Variants in TMEM178B observed in about 807,000 individuals in gnomAD.
The protein encoded by TMEM178B is transmembrane protein 178B.
A neutral mutation model predicts 31.0 loss-of-function variants in TMEM178B; 5 were observed. That is an observed-to-expected ratio of 0.16 (90% CI 0.08 to 0.34). The LOEUF (loss-of-function observed/expected upper bound fraction) is 0.34. Among genes scored for constraint, TMEM178B ranks in the 10% least tolerant of loss-of-function variants. TMEM178B has a pLI of 1.00. For synonymous variants in TMEM178B, 164 were observed against 164.0 expected, an observed-to-expected ratio of 1.00 and a Z score of 0.00; for missense variants, 275 against 400.3, an observed-to-expected ratio of 0.69 and a Z score of 2.67.
intron 1 of TMEM178B, among the ~76,000 whole-genome samples, chr7:141,138,919 G>C (rs2129178816): frequency 6.6e-6 from 1 of 152,000 alleles, no homozygotes; most frequent in East Asian, 1.9e-4. Flanking sequence ...GGGAGGCAGA[G>C]CTTGCAGTGA....
chr7:141,389,839 G>A (rs1235171068), intron 2 of TMEM178B, among the ~76,000 whole-genome samples: 1 of 152,194 alleles, frequency 6.6e-6, no homozygotes, highest in Non-Finnish European at 1.5e-5. Flanking sequence ...TGTTCCTAGT[G>A]ACCCCGGTCT....
chr7:141,188,350 C>G (rs1193469189), intron 1 of TMEM178B, among the ~76,000 whole-genome samples: 4 of 152,172 alleles, frequency 2.6e-5, no homozygotes, highest in Non-Finnish European at 5.9e-5. Flanking sequence ...TGGAGCATTT[C>G]AGGTTTTGGA....
chr7:141,299,410 A>T (rs545541198), intron 2 of TMEM178B, among the ~76,000 whole-genome samples: 1 of 152,102 alleles, frequency 6.6e-6, no homozygotes, highest in Non-Finnish European at 1.5e-5. Flanking sequence ...GTATTTTCCA[A>T]TCCACGAGCA....
At chr7:141,375,106 T>C (rs186699307) in intron 2 of TMEM178B, among the ~76,000 whole-genome samples, 1 of 152,364 alleles carries the variant, frequency 6.6e-6, no homozygotes, top group African/African-American at 2.4e-5. Context: ...GAACAGTTCA[T>C]CCTCTCACTT....
intron 1 of TMEM178B, among the ~76,000 whole-genome samples, chr7:141,175,281 G>A (rs1796409591): frequency 1.3e-5 from 2 of 152,072 alleles, no homozygotes; most frequent in African/African-American, 4.8e-5. Context: ...TAGATGTGTG[G>A]TATTATTTCT....
chr7:141,400,704 C>T (rs997354573), intron 2 of TMEM178B, among the ~76,000 whole-genome samples: 2 of 152,198 alleles, frequency 1.3e-5, no homozygotes, highest in African/African-American at 4.8e-5. Context: ...GCCTGCTCTT[C>T]GTGGGTTGTA....
At chr7:141,385,037 G>T (rs1203309780) in intron 2 of TMEM178B, among the ~76,000 whole-genome samples, 1 of 151,990 alleles carries the variant, frequency 6.6e-6, no homozygotes, top group Non-Finnish European at 1.5e-5. Context: ...TTCTACATTT[G>T]TTATGTACCC....
At chr7:141,316,687 T>C (rs182524143) in intron 2 of TMEM178B, among the ~76,000 whole-genome samples, 1 of 152,250 alleles carries the variant, frequency 6.6e-6, no homozygotes, top group Non-Finnish European at 1.5e-5. Context: ...GCACTATTCC[T>C]GCTCCATGGG....
intron 2 of TMEM178B, among the ~76,000 whole-genome samples, chr7:141,214,583 G>T (rs1797101528): frequency 6.6e-6 from 1 of 152,192 alleles, no homozygotes; most frequent in African/African-American, 2.4e-5. Context: ...AAACCTGGTA[G>T]AACTCTTTTG....
In TMEM178B at chr7:141,324,416, G is replaced by GTTT. The variant is rs56316531; in HGVS notation, c.496+111747_496+111749dup. Among the ~76,000 whole-genome samples, 179 of 85,774 alleles carry GTTT rather than the reference G, an allele frequency of 2.1e-3. 43 individuals carry two copies. The highest frequency in any genetic ancestry group is 2.6e-3 in the South Asian group (7 of 2,646). The allele number at this position is 85,774 out of a possible 152,430, so 56.3% of individuals were successfully genotyped here. A position where few individuals can be genotyped will look rare whatever the true frequency, so the allele number is the denominator to read the frequency against. Reference sequence around the variant, plus strand: ...TGTGAGAGCAAGAGAGGAGACCAGGGTTTTTTTTTTTTTTTTTTTTTTTTT... The same window carrying GTTT: ...TGTGAGAGCAAGAGAGGAGACCAGGGTTTTTTTTTTTTTTTTTTTTTTTTTTTT... On this transcript the variant is annotated intron_variant, in intron 2 of 3. Coordinates refer to ENST00000565468, the MANE Select transcript of TMEM178B (RefSeq NM_001195278.2).
At chr7:141,193,676 A>G (rs980835776) in intron 1 of TMEM178B, among the ~76,000 whole-genome samples, 1 of 152,176 alleles carries the variant, frequency 6.6e-6, no homozygotes, top group Non-Finnish European at 1.5e-5. Flanking sequence ...AGTAGACTGG[A>G]TGGGCTCCTG....
At chr7:141,298,247 G>A (rs946875468) in intron 2 of TMEM178B, among the ~76,000 whole-genome samples, 2 of 152,106 alleles carry the variant, frequency 1.3e-5, no homozygotes, top group African/African-American at 4.8e-5. Flanking sequence ...TTTGTAGATT[G>A]TGGATATTAG....
At chr7:141,176,104 T>C (rs1796429192) in intron 1 of TMEM178B, among the ~76,000 whole-genome samples, 1 of 152,226 alleles carries the variant, frequency 6.6e-6, no homozygotes, top group African/African-American at 2.4e-5. Flanking sequence ...TTGTCATAAA[T>C]AGCTCTTATT....
At chr7:141,239,408 C>T (rs1472511584) in intron 2 of TMEM178B, among the ~76,000 whole-genome samples, 1 of 152,124 alleles carries the variant, frequency 6.6e-6, no homozygotes. Context: ...TGGGATAGCC[C>T]TTCAGAGTGT....
chr7:141,487,265 C>T, the TMEM178B span, among the ~76,000 whole-genome samples: 2 of 152,026 alleles, frequency 1.3e-5, no homozygotes, highest in South Asian at 4.2e-4. Context: ...CCTTTCAGCC[C>T]TGAAAGTGAA....
chr7:141,483,955 C>T (rs1029804656), downstream of TMEM178B, among the ~76,000 whole-genome samples: 2 of 151,912 alleles, frequency 1.3e-5, no homozygotes, highest in Non-Finnish European at 2.9e-5. Context: ...AGGCTGGTCT[C>T]GAACTCCCGA....
chr7:141,155,926 A>G (rs563235274), intron 1 of TMEM178B, among the ~76,000 whole-genome samples: 1 of 152,270 alleles, frequency 6.6e-6, no homozygotes, highest in African/African-American at 2.4e-5. Flanking sequence ...ATAGCTGGGC[A>G]TGGTGGTGGG....
At chr7:141,320,421 A>G (rs979704133) in intron 2 of TMEM178B, among the ~76,000 whole-genome samples, 2 of 152,136 alleles carry the variant, frequency 1.3e-5, no homozygotes, top group African/African-American at 4.8e-5. Flanking sequence ...TTGAGCCAAC[A>G]CCTGTGACTG....
chr7:141,438,753 G>A (rs1165319571), intron 3 of TMEM178B, among the ~76,000 whole-genome samples: 1 of 142,198 alleles, frequency 7.0e-6, no homozygotes, highest in Non-Finnish European at 1.5e-5. Context: ...GCGCGTGCCT[G>A]TAGTCCCAGC....
Sources: allele counts gnomAD v4.1 joint callset (sites outside exome capture counted in the v4.1 genomes callset), GRCh38; gene constraint gnomAD v4.1.1; transcripts MANE v1.5; gene names NCBI Gene and HGNC (gene_info 2026-07-23, HGNC 2026-07-21).